The following LRMDA variants were observed in gnomAD, a reference collection of about 807,000 sequenced individuals.
LRMDA encodes leucine rich melanocyte differentiation associated, also known as leucine-rich melanocyte differentiation-associated protein.
A neutral mutation model predicts 29.8 loss-of-function variants in LRMDA; 18 were observed. That is an observed-to-expected ratio of 0.60 (90% confidence interval 0.42 to 0.90). The LOEUF is 0.90. Among genes scored for constraint, LRMDA ranks in the 40% least tolerant of loss-of-function variants. The pLI is 0.00. For missense variants in LRMDA, 273 were observed against 273.9 expected, an observed-to-expected ratio of 1.00 and a Z score of 0.02; for synonymous variants, 125 against 109.4, an observed-to-expected ratio of 1.14 and a Z score of -0.89.
At chr10:76,464,378 A>G (rs1284486956) in intron 6 of LRMDA, among the ~76,000 whole-genome samples, 2 of 152,112 alleles carry the variant, frequency 1.3e-5, no homozygotes, top group Non-Finnish European at 2.9e-5. Context: ...GAGTGGCGAG[A>G]GACTAGAATG....
intron 2 of LRMDA, among the ~76,000 whole-genome samples, chr10:75,886,418 GCAC>G (rs1178750268): frequency 6.6e-6 from 1 of 152,114 alleles, no homozygotes; most frequent in Non-Finnish European, 1.5e-5. Context: ...AAATTATCCT[GCAC>G]CACATAACTA....
At chr10:75,876,751 C>T (rs1399891006) in intron 2 of LRMDA, among the ~76,000 whole-genome samples, 1 of 152,166 alleles carries the variant, frequency 6.6e-6, no homozygotes, top group Non-Finnish European at 1.5e-5. Flanking sequence ...TGAGACTTTC[C>T]CAGGGGGCCT....
intron 2 of LRMDA, among the ~76,000 whole-genome samples, chr10:75,785,599 A>G (rs954815634): frequency 1.1e-4 from 16 of 152,188 alleles, no homozygotes; most frequent in African/African-American, 3.9e-4. Flanking sequence ...TCCTTATTAG[A>G]TAAAGCGTGG....
chr10:76,163,932 A>C (rs974583542), intron 5 of LRMDA, among the ~76,000 whole-genome samples: 3 of 152,176 alleles, frequency 2.0e-5, no homozygotes, highest in African/African-American at 7.2e-5. Flanking sequence ...TAGTCAGGGC[A>C]AAAAAGGGCC....
chr10:75,467,663 C>T (rs896735003), intron 2 of LRMDA, among the ~76,000 whole-genome samples: 5 of 152,074 alleles, frequency 3.3e-5, no homozygotes, highest in Non-Finnish European at 7.4e-5. Context: ...GTATACCAGA[C>T]ATCAAGATCG....
In LRMDA at chr10:76,558,699, A is replaced by AAAC. The variant is rs1211765264; in HGVS notation, c.*1412_*1414dup. On this transcript the variant is annotated 3_prime_UTR_variant, in exon 7 of 7. Coordinates refer to ENST00000611255, the MANE Select transcript of LRMDA (RefSeq NM_001305581.2). ...TGAGGGACTAGGAGCTGCTATTGTA[A>AAAC]AACTATGGGGACTCAGAATCCCTAA... is the stretch of plus-strand genomic sequence containing the variant. 1 of 152,144 alleles carries AAAC rather than the reference A, an allele frequency of 6.6e-6. No individual in the cohort carries two copies. The highest frequency in any genetic ancestry group is 2.4e-5 in the African/African-American group (1 of 41,430). 9.4% of individuals were successfully genotyped at this position (152,144 alleles called of 1,614,324 possible). A position where few individuals can be genotyped will look rare whatever the true frequency, so the allele number is the denominator to read the frequency against.
chr10:76,129,645 G>A (rs528879091), intron 5 of LRMDA, among the ~76,000 whole-genome samples: 15 of 152,156 alleles, frequency 9.9e-5, no homozygotes, highest in Non-Finnish European at 1.8e-4. Context: ...AGGCTTGTTT[G>A]TGGATCTTCC....
chr10:76,221,380 C>T (rs1467196473), intron 5 of LRMDA, among the ~76,000 whole-genome samples: 2 of 152,248 alleles, frequency 1.3e-5, no homozygotes, highest in Non-Finnish European at 2.9e-5. Context: ...ACCCCATTGT[C>T]TCAGCCCAAA....
At chr10:76,031,104 G>T (rs1848140898) in intron 2 of LRMDA, among the ~76,000 whole-genome samples, 1 of 152,214 alleles carries the variant, frequency 6.6e-6, no homozygotes, top group African/African-American at 2.4e-5. Flanking sequence ...ATTGATGCTG[G>T]CTGGAGCAGG....
intron 6 of LRMDA, among the ~76,000 whole-genome samples, chr10:76,331,080 G>C (rs1345396760): frequency 6.6e-6 from 1 of 152,120 alleles, no homozygotes; most frequent in Non-Finnish European, 1.5e-5. Context: ...AGACCAGCCT[G>C]GCCAACATGA....
At position 75,488,233 on chromosome 10, in the gene LRMDA, T is replaced by C. The variant is rs372687020; in HGVS notation, c.131+49739T>C. On this transcript the variant is annotated intron_variant, in intron 2 of 6. Coordinates refer to ENST00000611255, the MANE Select transcript of LRMDA (RefSeq NM_001305581.2). ...CTGTCAGCTAAAAGGCTTTTAGGAC[T>C]TCATAATCATGGCACAGTATCTTTT... 1.4e-4 allele frequency among the ~76,000 whole-genome samples: 22 copies of C among 152,328 alleles called. No homozygotes were observed. The East Asian group carries it at 1.5e-3, about 11-fold the overall frequency.
chr10:75,438,405 A>G lies in LRMDA; in HGVS notation c.42A>G (p.Ile14Met). The change falls in exon 2 of 7, where the codon ATA becomes ATG. Residue 14 changes from isoleucine (I) to methionine (M), a missense_variant. By Grantham distance (10) the Ile-to-Met change is conservative. Coordinates refer to ENST00000611255, the MANE Select transcript of LRMDA (RefSeq NM_001305581.2). ...LVVRGTQVSY[I>M]GQDCREIPEH... is the part of the protein sequence containing the mutation. ...CATTTAATTTCCAGGTGTCCTACAT[A>G]GGCCAGGACTGCAGAGAAATTCCAG... is the stretch of plus-strand genomic sequence containing the variant. The G allele has an allele frequency of 6.4e-7, 1 of 1,550,918 alleles. No individual in the cohort carries two copies. Among genetic ancestry groups the G allele is most frequent in the Non-Finnish European group, 8.7e-7 (1 of 1,146,906 alleles).
chr10:75,819,545 A>G (rs1844120462), intron 2 of LRMDA, among the ~76,000 whole-genome samples: 1 of 152,168 alleles, frequency 6.6e-6, no homozygotes, highest in Non-Finnish European at 1.5e-5. Context: ...ACTATGATAA[A>G]AGGACCTCTT....
intron 6 of LRMDA, among the ~76,000 whole-genome samples, chr10:76,404,451 A>G (rs1221246795): frequency 6.6e-6 from 1 of 152,180 alleles, no homozygotes; most frequent in Non-Finnish European, 1.5e-5. Flanking sequence ...CTTACAATAA[A>G]AGCCAAGGTC....
chr10:75,907,706 G>T (rs1845779520), intron 2 of LRMDA, among the ~76,000 whole-genome samples: 1 of 152,138 alleles, frequency 6.6e-6, no homozygotes, highest in African/African-American at 2.4e-5. Flanking sequence ...ACGTAGGAAG[G>T]GAGGGCGAAA....
At chr10:75,574,162 G>A (rs1393367875) in intron 2 of LRMDA, among the ~76,000 whole-genome samples, 1 of 152,090 alleles carries the variant, frequency 6.6e-6, no homozygotes, top group Admixed American at 6.5e-5. Flanking sequence ...TCCCTCTGAA[G>A]GCATTAAACA....
At chr10:76,475,687 A>G in intron 6 of LRMDA, among the ~76,000 whole-genome samples, 1 of 152,196 alleles carries the variant, frequency 6.6e-6, no homozygotes, top group East Asian at 1.9e-4. Context: ...AACAGAAATT[A>G]TAACAACCTG....
At chr10:76,468,511 G>C (rs964572958) in intron 6 of LRMDA, among the ~76,000 whole-genome samples, 4 of 152,108 alleles carry the variant, frequency 2.6e-5, no homozygotes, top group Non-Finnish European at 5.9e-5. Context: ...TTTCTGAATA[G>C]TCTTAGAGAA....
intron 2 of LRMDA, among the ~76,000 whole-genome samples, chr10:75,582,628 G>T (rs570382269): frequency 5.3e-4 from 80 of 152,302 alleles, no homozygotes; most frequent in African/African-American, 1.9e-3. Context: ...TGCTTTCAAG[G>T]CATTTCCCCC....
Sources: gnomAD v4.1 joint callset for allele counts (sites outside exome capture counted in the v4.1 genomes callset) on GRCh38, gnomAD v4.1.1 for gene constraint, MANE v1.5 for transcripts, NCBI Gene and HGNC (gene_info 2026-07-23, HGNC 2026-07-21) for gene names.